Variants in DNAH11 observed in about 807,000 individuals in gnomAD.
DNAH11 encodes dynein axonemal heavy chain 11, also known as axonemal beta dynein heavy chain 11.
A neutral mutation model predicts 526.0 loss-of-function variants in DNAH11; 442 were observed. The ratio of observed to expected loss-of-function variants is 0.84; its 90% CI spans 0.78 to 0.91. The LOEUF (loss-of-function observed/expected upper bound fraction) is 0.91, where lower values mean the gene tolerates loss of function less well. Ranked by LOEUF, DNAH11 falls within the 40% of genes least tolerant of loss-of-function variation. DNAH11 has a pLI of 0.00. For missense variants in DNAH11, 6,989 were observed against 5,448.7 expected (o/e 1.28, Z -8.90); for synonymous variants, 2,461 against 1,935.9 (o/e 1.27, Z -7.12).
chr7:21,606,306 G>C (rs1331040256), intron 18 of DNAH11, 120 bp from the exon 19 acceptor site: 1 of 827,020 alleles, frequency 1.2e-6, no homozygotes, highest in Non-Finnish European at 1.9e-6. Context: ...CTAGGGGATA[G>C]AGCCAGACCT....
chr7:21,865,707 C>G (rs1783249135), intron 70 of DNAH11, among the ~76,000 whole-genome samples: 1 of 152,100 alleles, frequency 6.6e-6, no homozygotes, highest in Admixed American at 6.5e-5. Flanking sequence ...GTTCTTGGAT[C>G]TCGTGCAAGA....
intron 30 of DNAH11, among the ~76,000 whole-genome samples, chr7:21,678,253 A>G (rs1287813780): frequency 3.3e-5 from 5 of 151,002 alleles, no homozygotes; most frequent in Non-Finnish European, 7.4e-5. Flanking sequence ...TTGTGTGTGT[A>G]TAGTGTAAGG....
intron 46 of DNAH11, among the ~76,000 whole-genome samples, chr7:21,737,281 G>C (rs943185425): frequency 5.9e-5 from 9 of 152,320 alleles, no homozygotes; most frequent in Admixed American, 5.2e-4. Flanking sequence ...AAAAGGCTAA[G>C]CTACTGATTT....
intron 58 of DNAH11, 49 bp downstream of exon 58, chr7:21,784,589 G>A (rs911773908): frequency 1.5e-6 from 2 of 1,344,332 alleles, no homozygotes; most frequent in Admixed American, 2.5e-5. Context: ...AATATTTAAA[G>A]GTTATTAGAG....
chr7:21,738,191 G>T (rs959369801), intron 46 of DNAH11, among the ~76,000 whole-genome samples: 3 of 152,128 alleles, frequency 2.0e-5, no homozygotes, highest in Non-Finnish European at 2.9e-5. Flanking sequence ...GTAAGTTTAT[G>T]TATTCACGGA....
chr7:21,761,248 C>G (rs1383372396), intron 54 of DNAH11, among the ~76,000 whole-genome samples: 1 of 152,168 alleles, frequency 6.6e-6, no homozygotes, highest in Non-Finnish European at 1.5e-5. Flanking sequence ...AATTATTGAG[C>G]AGTGAGTTGG....
chr7:21,564,418 G>A, intron 6 of DNAH11, 21 bp downstream of exon 6: 1 of 1,577,144 alleles, frequency 6.3e-7, no homozygotes, highest in South Asian at 1.1e-5. Flanking sequence ...TCAAAAAACA[G>A]GAACAATAAG....
intron 2 of DNAH11, among the ~76,000 whole-genome samples, chr7:21,552,394 C>A (rs1184925519): frequency 1.3e-5 from 2 of 152,202 alleles, no homozygotes; most frequent in African/African-American, 2.4e-5. Context: ...TAGGCAAAGG[C>A]AGACCCACTA....
intron 55 of DNAH11, among the ~76,000 whole-genome samples, chr7:21,766,106 C>T (rs1284474088): frequency 1.3e-5 from 2 of 152,158 alleles, no homozygotes; most frequent in Non-Finnish European, 2.9e-5. Context: ...TATCTACTTA[C>T]TGTTTTACAG....
chr7:21,562,738 C>T (rs1783518011), intron 5 of DNAH11, among the ~76,000 whole-genome samples: 1 of 152,036 alleles, frequency 6.6e-6, no homozygotes, highest in South Asian at 2.1e-4. Flanking sequence ...ATAATTTTGA[C>T]ATAAACATTG....
intron 25 of DNAH11, among the ~76,000 whole-genome samples, chr7:21,628,434 T>C (rs1008313580): frequency 6.6e-6 from 1 of 152,154 alleles, no homozygotes; most frequent in Non-Finnish European, 1.5e-5. Flanking sequence ...ATTTATTGTA[T>C]ATGTCCTTTA....
intron 2 of DNAH11, among the ~76,000 whole-genome samples, chr7:21,547,352 A>T (rs1054359248): frequency 1.3e-5 from 2 of 152,216 alleles, no homozygotes; most frequent in Non-Finnish European, 2.9e-5. Context: ...AACCCAAAGG[A>T]TGGACTCGGA....
At chr7:21,828,441 A>G (rs1790401061) in intron 65 of DNAH11, among the ~76,000 whole-genome samples, 1 of 152,146 alleles carries the variant, frequency 6.6e-6, no homozygotes, top group African/African-American at 2.4e-5. Context: ...TCTATTCCTA[A>G]ATTTAGTAAA....
chr7:21,708,511 GCAGA>G (rs768622651), intron 40 of DNAH11, among the ~76,000 whole-genome samples: 83 of 152,176 alleles, frequency 5.5e-4, no homozygotes, highest in Non-Finnish European at 1.0e-3. Context: ...TTGACCTAAA[GCAGA>G]CAGAGGGGCT....
chr7:21,817,598 C>T (rs1789856799), intron 64 of DNAH11, among the ~76,000 whole-genome samples: 1 of 150,488 alleles, frequency 6.6e-6, no homozygotes, highest in Admixed American at 6.6e-5. Context: ...GAGGCTGAGG[C>T]AGGAGGATCA....
intron 34 of DNAH11, among the ~76,000 whole-genome samples, chr7:21,688,997 C>G (rs1444352694): frequency 1.3e-5 from 2 of 152,156 alleles, no homozygotes; most frequent in Non-Finnish European, 2.9e-5. Flanking sequence ...ATTATCTAGC[C>G]TCTTGGACTG....
At chr7:21,710,761 C>T (rs896418962) in intron 41 of DNAH11, 58 bp downstream of exon 41, 16 of 1,499,692 alleles carry the variant, frequency 1.1e-5, no homozygotes, top group African/African-American at 4.2e-5. Context: ...ATTAAGAGTT[C>T]GATTCACTTG....
At chr7:21,887,517 C>G (rs1249743391) in intron 76 of DNAH11, among the ~76,000 whole-genome samples, 3 of 152,162 alleles carry the variant, frequency 2.0e-5, no homozygotes, top group Non-Finnish European at 4.4e-5. Flanking sequence ...TGAAGTACCT[C>G]TATGTATTTG....
At chr7:21,635,310 C>G in intron 25 of DNAH11, among the ~76,000 whole-genome samples, 1 of 152,174 alleles carries the variant, frequency 6.6e-6, no homozygotes, top group East Asian at 1.9e-4. Context: ...GCGCCCGTCA[C>G]CACGCCCAGC....
Sources: gnomAD v4.1 joint callset for allele counts (sites outside exome capture counted in the v4.1 genomes callset) on GRCh38, gnomAD v4.1.1 for gene constraint, MANE v1.5 for transcripts, NCBI Gene and HGNC (gene_info 2026-07-23, HGNC 2026-07-21) for gene names.